The following TENM2 variants were observed in gnomAD, a reference collection of about 807,000 sequenced individuals.
TENM2 encodes teneurin-2.
TENM2 carries 52 observed loss-of-function variants against 245.2 expected under a neutral mutation model. That is an observed-to-expected ratio of 0.21 (90% confidence interval 0.17 to 0.27). TENM2 has a LOEUF of 0.27. Among genes scored for constraint, TENM2 ranks in the 10% least tolerant of loss-of-function variants. The pLI is 1.00. For synonymous variants in TENM2, 1,363 were observed against 1,438.9 expected, an observed-to-expected ratio of 0.95 and a Z score of 1.19; for missense variants, 3,046 against 3,666.8, an observed-to-expected ratio of 0.83 and a Z score of 4.37.
intron 10 of TENM2, among the ~76,000 whole-genome samples, chr5:168,123,421 C>T (rs1795619204): frequency 6.6e-6 from 1 of 152,208 alleles, no homozygotes. Flanking sequence ...GAGGAATTAT[C>T]ATCTGAATAT....
chr5:167,524,006 A>G (rs762246164), intron 2 of TENM2, among the ~76,000 whole-genome samples: 26 of 152,146 alleles, frequency 1.7e-4, no homozygotes, highest in African/African-American at 5.8e-4. Flanking sequence ...AGGTTACCTA[A>G]TATCTCATAC....
At position 168,238,182 on chromosome 5, in the gene TENM2, A is replaced by AGAGAGAGG. The variant is rs1386029243; in HGVS notation, c.5521-6235_5521-6234insAGAGGGAG. On this transcript the variant is annotated intron_variant, in intron 25 of 28. Transcript: ENST00000518659. The stretch of plus-strand genomic sequence containing the variant: ...AAGAGAGAGAGAGAGAGAGAGAGAG[A>AGAGAGAGG]GAGGGAGGGAGGGAGGGAGGGAGGG... 3.9e-4 allele frequency among the ~76,000 whole-genome samples: 17 copies of AGAGAGAGG among 44,144 alleles called. 1 individual carries two copies. The South Asian group carries it at 8.5e-3, about 22-fold the overall frequency. 29.0% of individuals were successfully genotyped at this position (44,144 alleles called of 152,430 possible). A position where few individuals can be genotyped will look rare whatever the true frequency, so the allele number is the denominator to read the frequency against.
chr5:167,000,933 T>C, the TENM2 span, among the ~76,000 whole-genome samples: 5 of 152,304 alleles, frequency 3.3e-5, no homozygotes, highest in South Asian at 8.3e-4. Context: ...TATGATTTTC[T>C]AAAAATTTTG....
intron 5 of TENM2, among the ~76,000 whole-genome samples, chr5:168,022,469 G>T (rs1373525540): frequency 6.6e-6 from 1 of 152,228 alleles, no homozygotes; most frequent in Non-Finnish European, 1.5e-5. Context: ...TGTTTTCATT[G>T]TCTAGCCACC....
intron 2 of TENM2, among the ~76,000 whole-genome samples, chr5:167,506,185 C>T (rs1769534129): frequency 6.6e-6 from 1 of 152,192 alleles, no homozygotes; most frequent in Admixed American, 6.6e-5. Context: ...CTTGCTCCAT[C>T]ATGTGTTTTC....
chr5:167,273,627 A>G, the TENM2 span, among the ~76,000 whole-genome samples: 1 of 152,136 alleles, frequency 6.6e-6, no homozygotes, highest in Non-Finnish European at 1.5e-5. Context: ...CTTATATTGT[A>G]ACTAGCTTTT....
Position 167,604,855 on chromosome 5 carries a change from T to C in TENM2, c.502+229382T>C, listed in dbSNP as rs537058836. On this transcript the variant is annotated intron_variant, in intron 2 of 28. Transcript: ENST00000518659. ...TATAAGGTGGTAAAGGCACCATGAA[T>C]GGAGTCTGTCAACAGTGCAAACAGA... Among the ~76,000 whole-genome samples the C allele has an allele frequency of 3.3e-5, 5 of 152,280 alleles. No homozygotes were observed. The South Asian group carries it at 1.0e-3, about 32-fold the overall frequency.
intron 5 of TENM2, among the ~76,000 whole-genome samples, chr5:167,999,895 C>T (rs1273437542): frequency 6.6e-6 from 1 of 152,168 alleles, no homozygotes; most frequent in Non-Finnish European, 1.5e-5. Context: ...CCCTGTGCAC[C>T]TCAAGAATGC....
the TENM2 span, among the ~76,000 whole-genome samples, chr5:167,261,657 T>C: frequency 6.6e-6 from 1 of 152,168 alleles, no homozygotes; most frequent in Non-Finnish European, 1.5e-5. Flanking sequence ...AGTTCACAAA[T>C]AATGAATTGA....
At chr5:166,981,654 T>G in the TENM2 span, among the ~76,000 whole-genome samples, 1 of 152,170 alleles carries the variant, frequency 6.6e-6, no homozygotes, top group Non-Finnish European at 1.5e-5. Context: ...TGTAACATAT[T>G]CAGATCATGA....
At chr5:167,305,146 A>G (rs1054995914) in intron 1 of TENM2, among the ~76,000 whole-genome samples, 5 of 152,174 alleles carry the variant, frequency 3.3e-5, no homozygotes, top group African/African-American at 1.2e-4. Flanking sequence ...ATTGGGAAGG[A>G]CACTGGATAT....
At chr5:167,796,948 G>A (rs1233382036) in intron 2 of TENM2, among the ~76,000 whole-genome samples, 1 of 150,794 alleles carries the variant, frequency 6.6e-6, no homozygotes, top group Admixed American at 6.6e-5. Context: ...CCCTCATACT[G>A]TCAATATGGC....
At position 167,869,345 on chromosome 5, in the gene TENM2, G is replaced by A. The variant is rs766166339; in HGVS notation, c.503-6641G>A. Among the ~76,000 whole-genome samples the A allele has an allele frequency of 4.6e-5, 7 of 152,292 alleles. No individual in the cohort carries two copies. The South Asian group carries it at 6.2e-4, about 14-fold the overall frequency. ...TCATAGGTGAATTTGAGTGTAAGGC[G>A]ACTCTAGGTTGAGGAATAGCCCATT... On this transcript the variant is annotated intron_variant, in intron 2 of 28. Transcript: ENST00000518659.
chr5:168,168,863 C>G (rs896271311), intron 13 of TENM2, among the ~76,000 whole-genome samples: 1 of 152,130 alleles, frequency 6.6e-6, no homozygotes, highest in Non-Finnish European at 1.5e-5. Flanking sequence ...ACTCATCCAT[C>G]CATCCATCCA....
chr5:167,474,042 AAATCT>A (rs1218998996), intron 2 of TENM2, among the ~76,000 whole-genome samples: 1 of 152,162 alleles, frequency 6.6e-6, no homozygotes, highest in African/African-American at 2.4e-5. Flanking sequence ...ATTAGATTAA[AAATCT>A]AATCTAACCT....
chr5:168,040,631 T>C (rs1405288868), intron 5 of TENM2, among the ~76,000 whole-genome samples: 1 of 152,230 alleles, frequency 6.6e-6, no homozygotes, highest in African/African-American at 2.4e-5. Context: ...TTTAAATTTT[T>C]AAACTCCTTT....
chr5:166,989,482 G>A, the TENM2 span, among the ~76,000 whole-genome samples: 40 of 151,754 alleles, frequency 2.6e-4, no homozygotes, highest in South Asian at 5.9e-3. Flanking sequence ...TCCTGACCTC[G>A]TGATCTGCCC....
chr5:168,009,117 A>C (rs1017638382), intron 5 of TENM2, among the ~76,000 whole-genome samples: 3 of 152,212 alleles, frequency 2.0e-5, no homozygotes, highest in Non-Finnish European at 4.4e-5. Flanking sequence ...GAGTCATTGG[A>C]ATATACATTA....
intron 2 of TENM2, among the ~76,000 whole-genome samples, chr5:167,830,460 A>G (rs1768368516): frequency 1.3e-5 from 2 of 152,306 alleles, no homozygotes; most frequent in Admixed American, 6.5e-5. Context: ...TGATTGAGCT[A>G]TATTTAGTAT....
Sources: gnomAD v4.1 joint callset for allele counts (sites outside exome capture counted in the v4.1 genomes callset) on GRCh38, gnomAD v4.1.1 for gene constraint, MANE v1.5 for transcripts, NCBI Gene and HGNC (gene_info 2026-07-23, HGNC 2026-07-21) for gene names.